The following GRM1 variants were observed in gnomAD, a reference collection of about 807,000 sequenced individuals.
GRM1 encodes glutamate metabotropic receptor 1.
Under a neutral mutation model 90.9 loss-of-function variants are expected in GRM1, and 33 were observed. The ratio of observed to expected loss-of-function variants is 0.36; its 90% CI spans 0.28 to 0.49. GRM1 has a LOEUF of 0.49. GRM1 is among the 20% of genes least tolerant of loss of function. The probability of loss-of-function intolerance (pLI) is 0.99; values close to 1 mark genes in which losing one functional copy is unlikely to be tolerated. For missense variants in GRM1, 1,190 were observed against 1,534.3 expected (o/e 0.78, Z 3.75); for synonymous variants, 700 against 613.2 (o/e 1.14, Z -2.09).
intron 1 of GRM1, among the ~76,000 whole-genome samples, chr6:146,087,621 G>C (rs1188950956): frequency 6.6e-6 from 1 of 151,940 alleles, no homozygotes; most frequent in African/African-American, 2.4e-5. Context: ...TCTAACCCCA[G>C]GCAACCACGA....
Position 146,434,187 on chromosome 6 carries a change from G to A in GRM1, c.2976G>A (p.Pro992=), listed in dbSNP as rs200487711. The A allele has an allele frequency of 1.2e-6, 2 of 1,613,018 alleles. No homozygotes were observed. Among genetic ancestry groups the A allele is most frequent in the East Asian group, 2.2e-5 (1 of 44,854 alleles). ...VPSAATTPPL[P]SHLTAEETPL... ...GCGCGGCGACCACTCCGCCTCTGCC[G>A]TCCCACCTGACCGCAGAGGAGACCC... The change falls in exon 8 of 8, where the codon CCG becomes CCA. Residue 992 remains proline (P), a synonymous_variant. Coordinates refer to ENST00000282753, the MANE Select transcript of GRM1 (RefSeq NM_001278064.2).
At position 146,215,018 on chromosome 6, in the gene GRM1, G is replaced by A. The variant is rs748313681; in HGVS notation, c.950+55421G>A. On this transcript the variant is annotated intron_variant, in intron 2 of 7. Coordinates refer to ENST00000282753, the MANE Select transcript of GRM1 (RefSeq NM_001278064.2). ...CTAACCCAGAAATACACCTTATAAT[G>A]GAGCTGGACTAAAATAGACCCGTTT... 7.2e-5 allele frequency among the ~76,000 whole-genome samples: 11 copies of A among 152,130 alleles called. No individual in the cohort carries two copies. In the East Asian group the frequency reaches 1.3e-3, roughly 19 times the overall value.
chr6:146,030,893 T>A (rs1396459958), intron 1 of GRM1, among the ~76,000 whole-genome samples: 1 of 152,200 alleles, frequency 6.6e-6, no homozygotes, highest in Admixed American at 6.5e-5. Context: ...CCCCCAAGAA[T>A]TATCTTGTTT....
intron 2 of GRM1, among the ~76,000 whole-genome samples, chr6:146,295,721 G>T (rs538197224): frequency 6.6e-6 from 1 of 152,196 alleles, no homozygotes; most frequent in East Asian, 1.9e-4. Flanking sequence ...TTATCTTAGT[G>T]GGCATATTTT....
At chr6:146,326,209 A>C (rs937475362) in intron 3 of GRM1, among the ~76,000 whole-genome samples, 2 of 152,208 alleles carry the variant, frequency 1.3e-5, no homozygotes. Flanking sequence ...TTAAAGATAG[A>C]TTGCATAAAG....
intron 3 of GRM1, among the ~76,000 whole-genome samples, chr6:146,344,934 C>G (rs1195015696): frequency 6.6e-6 from 1 of 152,132 alleles, no homozygotes; most frequent in Non-Finnish European, 1.5e-5. Flanking sequence ...GCCTCAGCCT[C>G]CCTAGTAGCT....
chr6:146,036,604 C>T (rs2128838460), intron 1 of GRM1, among the ~76,000 whole-genome samples: 1 of 152,030 alleles, frequency 6.6e-6, no homozygotes, highest in South Asian at 2.1e-4. Flanking sequence ...AAACTTAAGG[C>T]ATTGTAGTAC....
intron 2 of GRM1, among the ~76,000 whole-genome samples, chr6:146,254,172 C>G (rs1382270279): frequency 6.6e-6 from 1 of 152,124 alleles, no homozygotes; most frequent in East Asian, 1.9e-4. Context: ...CAGCAAGAAT[C>G]ACAGAAACAG....
intron 2 of GRM1, among the ~76,000 whole-genome samples, chr6:146,299,734 C>T (rs1181795027): frequency 6.6e-6 from 1 of 152,152 alleles, no homozygotes; most frequent in African/African-American, 2.4e-5. Context: ...AGACCATTCT[C>T]TTTTGCCGTA....
At chr6:146,410,124 A>C (rs1562678888) in intron 7 of GRM1, among the ~76,000 whole-genome samples, 1 of 152,340 alleles carries the variant, frequency 6.6e-6, no homozygotes, top group East Asian at 1.9e-4. Context: ...GTACATTAAA[A>C]GAAATTATGA....
At chr6:146,372,485 A>G (rs1020126940) in intron 5 of GRM1, among the ~76,000 whole-genome samples, 1 of 151,858 alleles carries the variant, frequency 6.6e-6, no homozygotes, top group Non-Finnish European at 1.5e-5. Context: ...CCATTTGTCC[A>G]TTTTTGCTTT....
intron 1 of GRM1, among the ~76,000 whole-genome samples, chr6:146,151,085 T>C (rs1777317432): frequency 1.3e-5 from 2 of 152,138 alleles, no homozygotes; most frequent in Non-Finnish European, 2.9e-5. Flanking sequence ...CAAGATGTCA[T>C]AGGAGGCAAA....
intron 2 of GRM1, among the ~76,000 whole-genome samples, chr6:146,207,196 A>G (rs769395303): frequency 6.6e-5 from 10 of 152,194 alleles, no homozygotes; most frequent in Non-Finnish European, 1.2e-4. Context: ...TTGCTGGGTC[A>G]AATGGTAGTA....
chr6:146,356,105 A>G (rs1249842798), intron 4 of GRM1, among the ~76,000 whole-genome samples: 2 of 152,190 alleles, frequency 1.3e-5, no homozygotes, highest in African/African-American at 4.8e-5. Flanking sequence ...TGACTGAGAT[A>G]TAAATGGTTA....
intron 3 of GRM1, among the ~76,000 whole-genome samples, chr6:146,326,503 C>A (rs1454801848): frequency 6.6e-6 from 1 of 151,960 alleles, no homozygotes; most frequent in Non-Finnish European, 1.5e-5. Context: ...AGGCTTAATA[C>A]CTGGCTGGTG....
At chr6:146,419,191 A>G (rs1234132696) in intron 7 of GRM1, among the ~76,000 whole-genome samples, 3 of 152,244 alleles carry the variant, frequency 2.0e-5, no homozygotes, top group Non-Finnish European at 4.4e-5. Flanking sequence ...AAACATTATC[A>G]AAGAAACAGA....
At chr6:146,303,084 A>G (rs1275534286) in intron 2 of GRM1, among the ~76,000 whole-genome samples, 2 of 152,112 alleles carry the variant, frequency 1.3e-5, no homozygotes, top group Admixed American at 1.3e-4. Flanking sequence ...GCAACCCCTG[A>G]TCTGTTGAAA....
chr6:146,224,676 A>G (rs1351717768), intron 2 of GRM1, among the ~76,000 whole-genome samples: 2 of 152,136 alleles, frequency 1.3e-5, no homozygotes, highest in African/African-American at 4.8e-5. Flanking sequence ...TTTGAGTAAG[A>G]TGAAAGTTTC....
intron 2 of GRM1, among the ~76,000 whole-genome samples, chr6:146,264,529 T>C (rs1481244051): frequency 6.6e-6 from 1 of 152,040 alleles, no homozygotes; most frequent in Non-Finnish European, 1.5e-5. Context: ...TTTTTGTTTT[T>C]TTTTTAGATT....
Sources: gnomAD v4.1 joint callset for allele counts (sites outside exome capture counted in the v4.1 genomes callset) on GRCh38, gnomAD v4.1.1 for gene constraint, MANE v1.5 for transcripts, NCBI Gene and HGNC (gene_info 2026-07-23, HGNC 2026-07-21) for gene names.